STEAP3: variants seen among roughly 807,000 people sequenced by gnomAD.
STEAP3 encodes STEAP3 metalloreductase.
Under a neutral mutation model 34.9 loss-of-function variants are expected in STEAP3, and 35 were observed. That is an observed-to-expected ratio of 1.00 (90% CI 0.76 to 1.33). STEAP3 has a LOEUF of 1.33. STEAP3 is among the 40% of genes most tolerant of loss of function. The pLI, the probability that STEAP3 is intolerant of heterozygous loss-of-function variation, is 0.00. For missense variants in STEAP3, 652 were observed against 667.6 expected, an observed-to-expected ratio of 0.98 and a Z score of 0.26; for synonymous variants, 281 against 301.6, an observed-to-expected ratio of 0.93 and a Z score of 0.71.
chr2:119,245,394 G>C, intron 2 of STEAP3, 95 bp from the exon 3 acceptor site: 3 of 1,499,194 alleles, frequency 2.0e-6, no homozygotes, highest in Non-Finnish European at 2.7e-6. Context: ...GTGAATGTCT[G>C]ACTGCCGTGT....
rs758230485 is a variant in STEAP3 at position 119,264,183 on chromosome 2, C to G, written c.*845C>G. On this transcript the variant is annotated 3_prime_UTR_variant, in exon 6 of 6. Coordinates refer to ENST00000393110, the MANE Select transcript of STEAP3 (RefSeq NM_182915.3). ...AGCGTCCTTTAAACCACTGTGCCTT[C>G]TCACCCTTTCCATCTTCAGTTTGAA... 3 of 152,968 alleles carry G rather than the reference C, an allele frequency of 2.0e-5. No homozygotes were observed. The highest frequency in any genetic ancestry group is 2.9e-5 in the Non-Finnish European group (2 of 68,344). 9.5% of individuals were successfully genotyped at this position (152,968 alleles called of 1,614,324 possible).
At chr2:119,228,600 C>T (rs969664308) in intron 1 of STEAP3, among the ~76,000 whole-genome samples, 1 of 152,148 alleles carries the variant, frequency 6.6e-6, no homozygotes, top group African/African-American at 2.4e-5. Context: ...CAAGACAGTG[C>T]TGGGCCCAGC....
intron 4 of STEAP3, among the ~76,000 whole-genome samples, chr2:119,251,378 C>T (rs1413168692): frequency 6.6e-6 from 1 of 152,202 alleles, no homozygotes; most frequent in African/African-American, 2.4e-5. Flanking sequence ...TAGAGAAAAC[C>T]TTTGAGACCA....
intron 2 of STEAP3, among the ~76,000 whole-genome samples, chr2:119,236,545 A>G (rs562884786): frequency 3.9e-5 from 6 of 152,240 alleles, no homozygotes; most frequent in African/African-American, 1.4e-4. Flanking sequence ...TGGCCTGGCT[A>G]GGGAAGCTCT....
chr2:119,231,153 G>T, intron 2 of STEAP3, 119 bp downstream of exon 2: 2 of 1,389,788 alleles, frequency 1.4e-6, no homozygotes, highest in Non-Finnish European at 2.0e-6. Context: ...TCTCCAGGAG[G>T]TCCGAGGAAC....
intron 4 of STEAP3, among the ~76,000 whole-genome samples, chr2:119,250,976 G>A (rs1315821822): frequency 1.3e-5 from 2 of 152,200 alleles, no homozygotes; most frequent in African/African-American, 4.8e-5. Flanking sequence ...CAGGGCTGAT[G>A]TGGTTATGTC....
At chr2:119,236,513 G>A (rs996447316) in intron 2 of STEAP3, among the ~76,000 whole-genome samples, 14 of 152,168 alleles carry the variant, frequency 9.2e-5, no homozygotes, top group African/African-American at 3.4e-4. Context: ...GTGTCCTGTT[G>A]GCTGCATTGT....
At position 119,224,080 on chromosome 2, in the gene STEAP3, C is replaced by A. The variant is rs370050892; in HGVS notation, c.-394+192C>A. 2.2e-3 allele frequency among the ~76,000 whole-genome samples: 334 copies of A among 152,328 alleles called. 2 individuals are homozygous for A. Among genetic ancestry groups the A allele is most frequent in the African/African-American group, 7.5e-3 (312 of 41,586 alleles). ...AGAAACCGGGTTCCGGGGCCCCCAC[C>A]CCGTGTGCCTTCCTTCCCTAGGCGT... On this transcript the variant is annotated intron_variant, in intron 1 of 5. Transcript: ENST00000393110.
At chr2:119,251,751 C>A (rs895405) in intron 4 of STEAP3, among the ~76,000 whole-genome samples, 12,293 of 151,952 alleles carry the variant, frequency 0.081, 675 homozygotes, top group Non-Finnish European at 0.12. Flanking sequence ...CACTTGGGTC[C>A]CATACTGTCC....
At chr2:119,226,033 C>T (rs838106) in intron 1 of STEAP3, among the ~76,000 whole-genome samples, 151,656 of 152,362 alleles carry the variant, frequency 1, 75,481 homozygotes, top group Middle Eastern at 1. Flanking sequence ...CTAGAGAAGG[C>T]AACTGAGGCC....
chr2:119,231,315 G>A (rs1171795600), intron 2 of STEAP3, among the ~76,000 whole-genome samples: 1 of 149,862 alleles, frequency 6.7e-6, no homozygotes, highest in African/African-American at 2.5e-5. Context: ...AAATTTCAGG[G>A]GTTCAAGGAT....
At chr2:119,261,266 T>C (rs527575205) in intron 5 of STEAP3, among the ~76,000 whole-genome samples, 85 of 152,148 alleles carry the variant, frequency 5.6e-4, no homozygotes, top group Non-Finnish European at 1.1e-3. Flanking sequence ...GCCGAGGCTC[T>C]GGATTGATGC....
chr2:119,237,629 C>G (rs1004987331), intron 2 of STEAP3, among the ~76,000 whole-genome samples: 1 of 152,192 alleles, frequency 6.6e-6, no homozygotes, highest in African/African-American at 2.4e-5. Flanking sequence ...ATGACATAGG[C>G]TCATGGAGCG....
Position 119,248,055 on chromosome 2 carries a change from G to T in STEAP3, c.899G>T (p.Arg300Leu). 1 of 1,608,722 alleles carries T rather than the reference G, an allele frequency of 6.2e-7. No homozygotes were observed. The highest frequency in any genetic ancestry group is 8.5e-7 in the Non-Finnish European group (1 of 1,179,876). The change falls in exon 4 of 6, where the codon CGC becomes CTC. Residue 300 changes from arginine (R) to leucine (L), a missense_variant. By Grantham distance (102) the Arg-to-Leu change is moderately radical (BLOSUM62 -2). Transcript: ENST00000393110. ...CTGCGGCGCGGCACCAAGTACCAGC[G>T]CTTCCCCGACTGGCTGGACCACTGG... is the stretch of plus-strand genomic sequence containing the variant. ...LQLRRGTKYQ[R>L]FPDWLDHWLQ...
chr2:119,245,662 G>A lies in STEAP3; in HGVS notation c.196G>A (p.Val66Met), dbSNP rs563338009. 12 of 1,612,488 alleles carry A rather than the reference G, an allele frequency of 7.4e-6. No homozygotes were observed. The East Asian group carries it at 2.5e-4, about 33-fold the overall frequency. ...GGTGGGCTCTGGCTTCAAAGTGGTG[G>A]TGGGGAGCCGCAACCCCAAACGCAC... ...RLVGSGFKVV[V>M]GSRNPKRTAR... is the part of the protein sequence containing the mutation. The change falls in exon 3 of 6, where the codon GTG becomes ATG. Residue 66 changes from valine (V) to methionine (M), a missense_variant. Val to Met is a conservative substitution (Grantham distance 21, BLOSUM62 1). Transcript: ENST00000393110.
chr2:119,231,748 A>T (rs1290455105), intron 2 of STEAP3, among the ~76,000 whole-genome samples: 1 of 152,188 alleles, frequency 6.6e-6, no homozygotes, highest in African/African-American at 2.4e-5. Flanking sequence ...ATGATGTCTA[A>T]ATAATGATTC....
intron 2 of STEAP3, chr2:119,244,902 G>T (rs1300411347): frequency 6.5e-6 from 1 of 153,554 alleles, no homozygotes; most frequent in Admixed American, 6.4e-5. Context: ...AGCAAACACT[G>T]AGCACTGCCT....
chr2:119,253,924 G>A (rs770877245), intron 4 of STEAP3, among the ~76,000 whole-genome samples: 6 of 152,194 alleles, frequency 3.9e-5, no homozygotes, highest in Non-Finnish European at 8.8e-5. Context: ...AGTGGTCACT[G>A]AACTGCTTGG....
Position 119,230,717 on chromosome 2 carries a change from C to T in STEAP3, c.-296C>T, listed in dbSNP as rs1024716974. The T allele has an allele frequency of 5.3e-5, 28 of 526,288 alleles. No homozygotes were observed. Among genetic ancestry groups the T allele is most frequent in the Admixed American group, 1.9e-4 (6 of 31,778 alleles). The allele number at this position is 526,288 out of a possible 1,614,324, so 32.6% of individuals were successfully genotyped here. A position where few individuals can be genotyped will look rare whatever the true frequency, so the allele number is the denominator to read the frequency against. The stretch of plus-strand genomic sequence containing the variant: ...TGAGTCTGAGCCACTAATTATCACC[C>T]GTGAGGTTTCCTCCCCGAGCAGGAA... On this transcript the variant is annotated 5_prime_UTR_variant, in exon 2 of 6. Coordinates refer to ENST00000393110, the MANE Select transcript of STEAP3 (RefSeq NM_182915.3).
Sources: gnomAD v4.1 joint callset for allele counts (sites outside exome capture counted in the v4.1 genomes callset) on GRCh38, gnomAD v4.1.1 for gene constraint, MANE v1.5 for transcripts, NCBI Gene and HGNC (gene_info 2026-07-23, HGNC 2026-07-21) for gene names.